Variants in GPC5 observed in about 807,000 individuals in gnomAD.
GPC5 encodes glypican-5.
GPC5 carries 47 observed loss-of-function variants against 53.9 expected under a neutral mutation model. The ratio of observed to expected loss-of-function variants is 0.87; its 90% CI spans 0.69 to 1.11. The LOEUF (loss-of-function observed/expected upper bound fraction) is 1.11, where lower values mean the gene tolerates loss of function less well. Among genes scored for constraint, GPC5 ranks in the 50% most tolerant of loss-of-function variants. The pLI is 0.00. For synonymous variants in GPC5, 286 were observed against 263.3 expected (o/e 1.09, Z -0.84); for missense variants, 748 against 713.1 (o/e 1.05, Z -0.56).
rs555883771 is a variant in GPC5 at position 92,586,524 on chromosome 13, C to T, written c.1562-279758C>T. Among the ~76,000 whole-genome samples, 7 of 152,252 alleles carry T rather than the reference C, an allele frequency of 4.6e-5. No individual in the cohort carries two copies. The East Asian group carries it at 1.4e-3, about 29-fold the overall frequency. Reference sequence around the variant, plus strand: ...TGATGAAATTTTGCATTTAAGCAGCCACTTTGGCGTCAGTGTGCAGAATGA... The same window carrying T: ...TGATGAAATTTTGCATTTAAGCAGCTACTTTGGCGTCAGTGTGCAGAATGA... On this transcript the variant is annotated intron_variant, in intron 7 of 7. Transcript: ENST00000377067.
Position 91,869,213 on chromosome 13 carries a change from C to T in GPC5, c.1281-38724C>T, listed in dbSNP as rs528329967. Among the ~76,000 whole-genome samples the T allele has an allele frequency of 5.3e-5, 8 of 152,196 alleles. No individual in the cohort carries two copies. The East Asian group carries it at 1.6e-3, about 29-fold the overall frequency. Reference sequence around the variant, plus strand: ...TAGCTGGGATTACAGGAACCTGCCACCACGACTGGCTAATTTTTTGTATCT... The same window carrying T: ...TAGCTGGGATTACAGGAACCTGCCATCACGACTGGCTAATTTTTTGTATCT... On this transcript the variant is annotated intron_variant, in intron 5 of 7. Transcript: ENST00000377067.
At chr13:92,414,517 A>C (rs1876194059) in intron 7 of GPC5, among the ~76,000 whole-genome samples, 1 of 152,058 alleles carries the variant, frequency 6.6e-6, no homozygotes, top group Non-Finnish European at 1.5e-5. Context: ...AAAAAAAAAA[A>C]AAAAATCAAA....
At chr13:92,458,607 C>CT (rs113627205) in intron 7 of GPC5, among the ~76,000 whole-genome samples, 10,394 of 151,274 alleles carry the variant, frequency 0.069, 463 homozygotes, top group African/African-American at 0.12. Flanking sequence ...CTTACTTATT[C>CT]TTTTTTTTAA....
intron 5 of GPC5, among the ~76,000 whole-genome samples, chr13:91,789,759 G>T (rs1424401927): frequency 1.3e-5 from 2 of 152,092 alleles, no homozygotes; most frequent in Non-Finnish European, 2.9e-5. Flanking sequence ...AACAAAAGAG[G>T]TGTATTTGGC....
intron 7 of GPC5, among the ~76,000 whole-genome samples, chr13:92,210,712 A>G (rs1231022263): frequency 6.6e-6 from 1 of 152,252 alleles, no homozygotes; most frequent in Non-Finnish European, 1.5e-5. Flanking sequence ...AAAACAAAGT[A>G]TTCAGACTAT....
chr13:91,835,167 A>G (rs1334552696), intron 5 of GPC5, among the ~76,000 whole-genome samples: 1 of 152,232 alleles, frequency 6.6e-6, no homozygotes. Context: ...AGAGAAATGC[A>G]TATCAAAACC....
intron 3 of GPC5, among the ~76,000 whole-genome samples, chr13:91,705,274 C>T (rs533830846): frequency 6.6e-6 from 1 of 152,330 alleles, no homozygotes; most frequent in African/African-American, 2.4e-5. Context: ...CTGCTAACAT[C>T]TAACTCTTTA....
chr13:91,535,746 G>C, intron 2 of GPC5, among the ~76,000 whole-genome samples: 1 of 152,024 alleles, frequency 6.6e-6, no homozygotes, highest in East Asian at 1.9e-4. Context: ...TTAGGGAGAG[G>C]GTAACAGGGA....
intron 3 of GPC5, among the ~76,000 whole-genome samples, chr13:91,712,853 A>G (rs1390654590): frequency 6.6e-6 from 1 of 152,088 alleles, no homozygotes; most frequent in Admixed American, 6.6e-5. Context: ...GAAAAAAAAA[A>G]GAGATCATGT....
intron 5 of GPC5, among the ~76,000 whole-genome samples, chr13:91,866,216 G>C (rs2039083558): frequency 6.6e-6 from 1 of 152,224 alleles, no homozygotes; most frequent in South Asian, 2.1e-4. Context: ...AGAATGAAAA[G>C]GTATAAATGT....
At chr13:91,433,474 G>C (rs956085949) in intron 1 of GPC5, among the ~76,000 whole-genome samples, 2 of 151,294 alleles carry the variant, frequency 1.3e-5, no homozygotes, top group African/African-American at 4.9e-5. Context: ...CCTCGTGATA[G>C]TTTGCTGAGA....
chr13:92,408,302 T>C lies in GPC5; in HGVS notation c.1561+263313T>C, dbSNP rs1478246483. Among the ~76,000 whole-genome samples, 5 of 152,356 alleles carry C rather than the reference T, an allele frequency of 3.3e-5. No homozygotes were observed. The East Asian group carries it at 7.7e-4, about 23-fold the overall frequency. On this transcript the variant is annotated intron_variant, in intron 7 of 7. Coordinates refer to ENST00000377067, the MANE Select transcript of GPC5 (RefSeq NM_004466.6). The stretch of plus-strand genomic sequence containing the variant: ...TTGAGTAGCTGGATCAATTATGCCA[T>C]TAAATATTTGAATTAAGTAACAGAC...
At chr13:92,669,711 T>G (rs1310867194) in intron 7 of GPC5, among the ~76,000 whole-genome samples, 1 of 152,190 alleles carries the variant, frequency 6.6e-6, no homozygotes, top group Non-Finnish European at 1.5e-5. Flanking sequence ...AGACAAAGTC[T>G]TCCTGCCTCA....
chr13:92,269,042 C>T (rs772896770), intron 7 of GPC5, among the ~76,000 whole-genome samples: 2 of 151,980 alleles, frequency 1.3e-5, no homozygotes, highest in Non-Finnish European at 1.5e-5. Context: ...TTATACTCTT[C>T]AAATGCTTTT....
At chr13:91,443,828 A>G (rs1880607061) in intron 1 of GPC5, among the ~76,000 whole-genome samples, 1 of 152,186 alleles carries the variant, frequency 6.6e-6, no homozygotes, top group Admixed American at 6.5e-5. Context: ...TCAAGATTAC[A>G]GAGTCTTACT....
chr13:91,802,992 A>C (rs1181931312), intron 5 of GPC5, among the ~76,000 whole-genome samples: 1 of 152,156 alleles, frequency 6.6e-6, no homozygotes, highest in Non-Finnish European at 1.5e-5. Context: ...GTAGAAAATA[A>C]ATAGATGATG....
At chr13:92,111,767 A>G (rs1260201636) in intron 6 of GPC5, among the ~76,000 whole-genome samples, 3 of 152,216 alleles carry the variant, frequency 2.0e-5, no homozygotes, top group South Asian at 4.1e-4. Context: ...ACAATGGGGA[A>G]TAACTAATCC....
At chr13:92,326,471 G>C (rs1447124328) in intron 7 of GPC5, among the ~76,000 whole-genome samples, 1 of 151,938 alleles carries the variant, frequency 6.6e-6, no homozygotes, top group South Asian at 2.1e-4. Flanking sequence ...GTAGTTTATT[G>C]ATTGTTTTAA....
At chr13:92,336,437 T>C (rs1296850634) in intron 7 of GPC5, among the ~76,000 whole-genome samples, 2 of 152,178 alleles carry the variant, frequency 1.3e-5, no homozygotes, top group Non-Finnish European at 2.9e-5. Flanking sequence ...TTTTTGTACA[T>C]ATGAACAAAA....
Sources: gnomAD v4.1 joint callset for allele counts (sites outside exome capture counted in the v4.1 genomes callset) on GRCh38, gnomAD v4.1.1 for gene constraint, MANE v1.5 for transcripts, NCBI Gene and HGNC (gene_info 2026-07-23, HGNC 2026-07-21) for gene names.